AP3B1: variants seen among roughly 807,000 people sequenced by gnomAD.
AP3B1 encodes adaptor related protein complex 3 subunit beta 1.
In AP3B1, 61 loss-of-function variants were observed where a neutral mutation model predicts 132.5. That is an observed-to-expected ratio of 0.46 (90% CI 0.37 to 0.57). The LOEUF (loss-of-function observed/expected upper bound fraction) is 0.57. Among genes scored for constraint, AP3B1 ranks in the 20% least tolerant of loss-of-function variants. The pLI, the probability that AP3B1 is intolerant of heterozygous loss-of-function variation, is 0.00. For synonymous variants in AP3B1, 388 were observed against 438.3 expected (o/e 0.89, Z 1.43); for missense variants, 1,120 against 1,289.4 (o/e 0.87, Z 2.01).
intron 3 of AP3B1, among the ~76,000 whole-genome samples, chr5:78,234,721 A>C (rs907904259): frequency 6.6e-6 from 1 of 152,232 alleles, no homozygotes; most frequent in African/African-American, 2.4e-5. Context: ...AGGACTTATT[A>C]CATTGCTTGG....
intron 1 of AP3B1, among the ~76,000 whole-genome samples, chr5:78,282,774 G>A (rs1476147777): frequency 6.6e-6 from 1 of 151,984 alleles, no homozygotes; most frequent in Non-Finnish European, 1.5e-5. Flanking sequence ...CACTTTGGGA[G>A]GCCAAGGCAG....
Position 78,101,310 on chromosome 5 carries a change from T to C in AP3B1, c.2398-285A>G, listed in dbSNP as rs750515577. ...AATTATTCTACAATCGGACAACTTCTTGCTAACATAAAAACGTAAAGTGGC... is the reference window on the plus strand; with the variant it reads ...AATTATTCTACAATCGGACAACTTCCTGCTAACATAAAAACGTAAAGTGGC... On this transcript the variant is annotated intron_variant, in intron 20 of 26. Coordinates refer to ENST00000255194, the MANE Select transcript of AP3B1 (RefSeq NM_003664.5). 18 of 457,728 alleles carry C rather than the reference T, an allele frequency of 3.9e-5. No homozygotes were observed. In the East Asian group the frequency reaches 8.9e-4, roughly 23 times the overall value. The allele number at this position is 457,728 out of a possible 1,614,324, so 28.4% of individuals were successfully genotyped here.
intron 14 of AP3B1, among the ~76,000 whole-genome samples, chr5:78,154,832 G>T (rs982732404): frequency 1.3e-5 from 2 of 152,120 alleles, no homozygotes; most frequent in Non-Finnish European, 2.9e-5. Flanking sequence ...AAATTTATCA[G>T]ATAGAATTCT....
intron 15 of AP3B1, among the ~76,000 whole-genome samples, chr5:78,140,145 C>T (rs16875199): frequency 0.041 from 6,185 of 152,158 alleles, 189 homozygotes; most frequent in East Asian, 0.14. Flanking sequence ...CTATTTCGTA[C>T]ATGGAAGCAA....
chr5:78,261,776 C>T (rs1031305329), intron 2 of AP3B1, among the ~76,000 whole-genome samples: 17 of 143,242 alleles, frequency 1.2e-4, no homozygotes, highest in African/African-American at 4.2e-4. Flanking sequence ...TTTTGAGACG[C>T]GGTCTCACTC....
chr5:78,181,081 A>T (rs1291336210), intron 8 of AP3B1, among the ~76,000 whole-genome samples: 1 of 152,112 alleles, frequency 6.6e-6, no homozygotes, highest in Admixed American at 6.5e-5. Flanking sequence ...GACTAATACC[A>T]GATCAAGTAC....
intron 2 of AP3B1, among the ~76,000 whole-genome samples, chr5:78,262,543 G>A (rs1032117536): frequency 2.0e-5 from 3 of 152,094 alleles, no homozygotes; most frequent in East Asian, 1.9e-4. Flanking sequence ...GACCATTTAC[G>A]TCAGGGTTGA....
chr5:78,227,363 T>C lies in AP3B1; in HGVS notation c.536+9A>G, dbSNP rs771528600. 5 of 1,612,342 alleles carry C rather than the reference T, an allele frequency of 3.1e-6. No homozygotes were observed. Among genetic ancestry groups the C allele is most frequent in the Non-Finnish European group, 4.2e-6 (5 of 1,178,842 alleles). On this transcript the variant is annotated intron_variant, in intron 5 of 26. Transcript: ENST00000255194. The stretch of plus-strand genomic sequence containing the variant: ...GAGATCTTTGGTATATTGTTAACAA[T>C]GCACCTACCTGTATAATTTTTGTAT...
At chr5:78,026,397 T>G (rs1747343453) in intron 24 of AP3B1, among the ~76,000 whole-genome samples, 1 of 152,180 alleles carries the variant, frequency 6.6e-6, no homozygotes, top group South Asian at 2.1e-4. Flanking sequence ...CTGGTAAAGT[T>G]TGTAGGTAAG....
intron 11 of AP3B1, among the ~76,000 whole-genome samples, chr5:78,168,219 C>CTT (rs535444476): frequency 1.4e-5 from 2 of 142,720 alleles, no homozygotes; most frequent in Admixed American, 7.0e-5. Flanking sequence ...CAACTTTTTT[C>CTT]TTTTTTCTTT....
At chr5:78,127,391 T>A (rs1473233953) in intron 17 of AP3B1, among the ~76,000 whole-genome samples, 1 of 152,190 alleles carries the variant, frequency 6.6e-6, no homozygotes. Context: ...TTCTTGTATA[T>A]ATGAGAAAGA....
chr5:78,163,696 TAAAG>T (rs888940621), intron 12 of AP3B1, among the ~76,000 whole-genome samples: 3 of 149,612 alleles, frequency 2.0e-5, no homozygotes, highest in Admixed American at 1.3e-4. Flanking sequence ...AATTTAAAAA[TAAAG>T]AAATAAATCA....
At chr5:78,226,335 T>C (rs923858987) in intron 5 of AP3B1, among the ~76,000 whole-genome samples, 6 of 152,114 alleles carry the variant, frequency 3.9e-5, no homozygotes, top group African/African-American at 1.4e-4. Context: ...TCTACAAACA[T>C]ACACATTTAT....
chr5:78,166,117 T>A (rs867771030), intron 11 of AP3B1, among the ~76,000 whole-genome samples: 1 of 135,838 alleles, frequency 7.4e-6, no homozygotes, highest in Non-Finnish European at 1.6e-5. Context: ...TGAAACTCTG[T>A]CACACACACA....
chr5:78,042,596 C>T (rs1470364069), intron 22 of AP3B1: 2 of 194,666 alleles, frequency 1.0e-5, no homozygotes, highest in Non-Finnish European at 2.3e-5. Context: ...TTGTCTTCTG[C>T]CACCTCAGAG....
intron 21 of AP3B1, among the ~76,000 whole-genome samples, chr5:78,093,769 C>T (rs904302550): frequency 2.0e-5 from 3 of 152,180 alleles, no homozygotes; most frequent in African/African-American, 7.2e-5. Context: ...GTTCTAAATG[C>T]TTTTACGTAT....
intron 22 of AP3B1, among the ~76,000 whole-genome samples, chr5:78,048,607 T>C (rs1391680345): frequency 2.6e-5 from 4 of 152,112 alleles, no homozygotes; most frequent in African/African-American, 4.8e-5. Flanking sequence ...TGTGGCCACA[T>C]TTCCTGCCAC....
chr5:78,029,542 T>C lies in AP3B1; in HGVS notation c.2894+4819A>G, dbSNP rs184150485. ...AGTAGGATTTAATCTCTGACGTGAATTGTGAAAACTAGTATGTGTGGTGTG... is the reference window on the plus strand; with the variant it reads ...AGTAGGATTTAATCTCTGACGTGAACTGTGAAAACTAGTATGTGTGGTGTG... On this transcript the variant is annotated intron_variant, in intron 24 of 26. Coordinates refer to ENST00000255194, the MANE Select transcript of AP3B1 (RefSeq NM_003664.5). Among the ~76,000 whole-genome samples, 107 of 152,350 alleles carry C rather than the reference T, an allele frequency of 7.0e-4. 1 individual carries two copies. Among genetic ancestry groups the C allele is most frequent in the African/African-American group, 2.5e-3 (105 of 41,570 alleles).
intron 14 of AP3B1, among the ~76,000 whole-genome samples, chr5:78,151,825 T>C (rs1753661356): frequency 2.1e-5 from 3 of 141,786 alleles, no homozygotes; most frequent in African/African-American, 2.6e-5. Context: ...CTTCCTTCCT[T>C]CCTTCCCTCC....
Sources: gnomAD v4.1 joint callset for allele counts (sites outside exome capture counted in the v4.1 genomes callset) on GRCh38, gnomAD v4.1.1 for gene constraint, MANE v1.5 for transcripts, NCBI Gene and HGNC (gene_info 2026-07-23, HGNC 2026-07-21) for gene names.